The following COTL1 variants were observed in gnomAD, a reference collection of about 807,000 sequenced individuals.
COTL1 encodes the protein coactosin like F-actin binding protein 1.
Under a neutral mutation model 16.5 loss-of-function variants are expected in COTL1, and 15 were observed. The ratio of observed to expected loss-of-function variants is 0.91; its 90% confidence interval spans 0.61 to 1.40. The LOEUF is 1.40. COTL1 is among the 40% of genes most tolerant of loss of function. The pLI, the probability that COTL1 is intolerant of heterozygous loss-of-function variation, is 0.00. For missense variants in COTL1, 220 were observed against 201.5 expected (o/e 1.09, Z -0.56); for synonymous variants, 112 against 85.3 (o/e 1.31, Z -1.73).
chr16:84,575,882 G>A (rs1169584333), intron 3 of COTL1: 1 of 152,252 alleles, frequency 6.6e-6, no homozygotes, highest in African/African-American at 2.4e-5. Flanking sequence ...GAGCATAAAA[G>A]GGGCTTGCAC....
intron 2 of COTL1, among the ~76,000 whole-genome samples, chr16:84,611,503 A>T (rs1597186927): frequency 1.3e-5 from 2 of 152,240 alleles, no homozygotes; most frequent in South Asian, 4.1e-4. Context: ...TCAAGAATAT[A>T]GATAAAAATG....
At chr16:84,585,886 G>A (rs1057310022) in intron 3 of COTL1, among the ~76,000 whole-genome samples, 2 of 152,212 alleles carry the variant, frequency 1.3e-5, no homozygotes, top group African/African-American at 4.8e-5. Flanking sequence ...CTGTAGTTCA[G>A]GCCAGTATTC....
At chr16:84,613,998 G>C (rs1905401426) in intron 2 of COTL1, among the ~76,000 whole-genome samples, 1 of 152,206 alleles carries the variant, frequency 6.6e-6, no homozygotes, top group African/African-American at 2.4e-5. Flanking sequence ...GCTCTGCCCA[G>C]GGGCTAAACC....
intron 3 of COTL1, among the ~76,000 whole-genome samples, chr16:84,587,441 A>G (rs1354139004): frequency 6.6e-6 from 1 of 152,202 alleles, no homozygotes; most frequent in African/African-American, 2.4e-5. Flanking sequence ...TGCATGTATT[A>G]AAATGTTGGT....
intron 3 of COTL1, among the ~76,000 whole-genome samples, chr16:84,587,197 G>C (rs565357463): frequency 1.5e-4 from 23 of 152,282 alleles, no homozygotes; most frequent in Non-Finnish European, 2.5e-4. Context: ...TCCAAAACAA[G>C]GGCTCCCAGG....
chr16:84,607,444 G>C (rs1905236394), intron 2 of COTL1, among the ~76,000 whole-genome samples: 1 of 152,196 alleles, frequency 6.6e-6, no homozygotes, highest in Non-Finnish European at 1.5e-5. Flanking sequence ...GGCTCTCCAA[G>C]GAAAATGTCA....
chr16:84,610,088 T>C (rs542451914), intron 2 of COTL1, among the ~76,000 whole-genome samples: 1 of 152,268 alleles, frequency 6.6e-6, no homozygotes, highest in Non-Finnish European at 1.5e-5. Flanking sequence ...AACACTGGTG[T>C]CTCCCAAGGA....
intron 3 of COTL1, among the ~76,000 whole-genome samples, chr16:84,577,327 C>G (rs113988790): frequency 3.3e-5 from 5 of 152,206 alleles, no homozygotes; most frequent in African/African-American, 1.2e-4. Flanking sequence ...TCACTGCAAC[C>G]TCCATCTCCT....
chr16:84,602,417 A>C lies in COTL1; in HGVS notation c.161-12155T>G, dbSNP rs565789963. Among the ~76,000 whole-genome samples, 432 of 151,978 alleles carry C rather than the reference A, an allele frequency of 2.8e-3. 8 individuals are homozygous for C. Among genetic ancestry groups the C allele is most frequent in the East Asian group, 0.021 (107 of 5,154 alleles). On this transcript the variant is annotated intron_variant, in intron 2 of 3. Coordinates refer to ENST00000262428, the MANE Select transcript of COTL1 (RefSeq NM_021149.5). ...AAACTTTTTTTCTTTTAATTAAAAA[A>C]AAAAAAGAATAAAACCAATTCTTTG...
chr16:84,581,746 C>G (rs905889388), intron 3 of COTL1, among the ~76,000 whole-genome samples: 5 of 152,162 alleles, frequency 3.3e-5, no homozygotes, highest in African/African-American at 9.7e-5. Flanking sequence ...CTCAGGTGAT[C>G]TACCCGCCTT....
At chr16:84,604,497 A>G (rs562569172) in intron 2 of COTL1, among the ~76,000 whole-genome samples, 23 of 152,130 alleles carry the variant, frequency 1.5e-4, no homozygotes, top group African/African-American at 4.1e-4. Context: ...AAGGTTGTGC[A>G]TGGTGATGCA....
chr16:84,572,268 G>A (rs983079259), intron 3 of COTL1, among the ~76,000 whole-genome samples: 3 of 152,188 alleles, frequency 2.0e-5, no homozygotes, highest in Non-Finnish European at 4.4e-5. Flanking sequence ...ACCTGAGGCT[G>A]GAAACCAGAG....
At chr16:84,589,568 C>G (rs1395510851) in intron 3 of COTL1, among the ~76,000 whole-genome samples, 1 of 151,808 alleles carries the variant, frequency 6.6e-6, no homozygotes, top group Non-Finnish European at 1.5e-5. Context: ...CCGGGGTTAC[C>G]TTTTGGAGTT....
Position 84,566,762 on chromosome 16 carries a change from G to A in COTL1, c.*83C>T. 1 of 887,464 alleles carries A rather than the reference G, an allele frequency of 1.1e-6. No homozygotes were observed. The highest frequency in any genetic ancestry group is 1.8e-6 in the Non-Finnish European group (1 of 543,456). The allele number at this position is 887,464 out of a possible 1,614,324, so 55.0% of individuals were successfully genotyped here. On this transcript the variant is annotated 3_prime_UTR_variant, in exon 4 of 4. Coordinates refer to ENST00000262428, the MANE Select transcript of COTL1 (RefSeq NM_021149.5). ...TTCTTTTCTCCCTGGTGGGCTGGTG[G>A]GCTAGTAGCTGAGGCCGGCGGTCCT...
At chr16:84,579,313 A>G (rs892559142) in intron 3 of COTL1, among the ~76,000 whole-genome samples, 2 of 152,204 alleles carry the variant, frequency 1.3e-5, no homozygotes, top group African/African-American at 4.8e-5. Context: ...TCTGGCCAAC[A>G]TGGCATCTCT....
intron 2 of COTL1, among the ~76,000 whole-genome samples, chr16:84,610,854 C>T (rs1236571750): frequency 1.4e-5 from 2 of 141,068 alleles, no homozygotes; most frequent in African/African-American, 5.0e-5. Flanking sequence ...TCACAGGGCA[C>T]CTGCCTCCAA....
At chr16:84,614,458 G>C (rs1905418483) in intron 2 of COTL1, among the ~76,000 whole-genome samples, 1 of 152,074 alleles carries the variant, frequency 6.6e-6, no homozygotes, top group Non-Finnish European at 1.5e-5. Flanking sequence ...GAGGAGGGGA[G>C]GCTGGGTGGA....
intron 2 of COTL1, among the ~76,000 whole-genome samples, chr16:84,600,642 T>C (rs1298951220): frequency 6.6e-6 from 1 of 152,220 alleles, no homozygotes; most frequent in Non-Finnish European, 1.5e-5. Flanking sequence ...TGATCCGCAT[T>C]GTGTGGGTAT....
At chr16:84,578,983 A>G (rs993856974) in intron 3 of COTL1, among the ~76,000 whole-genome samples, 5 of 151,990 alleles carry the variant, frequency 3.3e-5, no homozygotes, top group Non-Finnish European at 5.9e-5. Flanking sequence ...ACATCCAAGC[A>G]TGCGTACACA....
Sources: gnomAD v4.1 joint callset for allele counts (sites outside exome capture counted in the v4.1 genomes callset) on GRCh38, gnomAD v4.1.1 for gene constraint, MANE v1.5 for transcripts, NCBI Gene and HGNC (gene_info 2026-07-23, HGNC 2026-07-21) for gene names.